Variants in CDC42BPA observed in about 807,000 individuals in gnomAD.
The protein encoded by CDC42BPA is serine/threonine-protein kinase MRCK alpha.
CDC42BPA carries 80 observed loss-of-function variants against 223.5 expected under a neutral mutation model. The ratio of observed to expected loss-of-function variants is 0.36; its 90% CI spans 0.30 to 0.43. The LOEUF is 0.43. Ranked by LOEUF, CDC42BPA falls within the 20% of genes least tolerant of loss-of-function variation. The pLI, the probability that CDC42BPA is intolerant of heterozygous loss-of-function variation, is 1.00. For missense variants in CDC42BPA, 1,743 were observed against 2,099.9 expected (o/e 0.83, Z 3.32); for synonymous variants, 694 against 718.6 (o/e 0.97, Z 0.55).
At chr1:227,262,856 C>T (rs1172033219) in intron 1 of CDC42BPA, among the ~76,000 whole-genome samples, 1 of 152,178 alleles carries the variant, frequency 6.6e-6, no homozygotes, top group Non-Finnish European at 1.5e-5. Flanking sequence ...AACACATTCC[C>T]ATTACTGCAA....
chr1:227,148,100 A>G (rs6685830), intron 6 of CDC42BPA, among the ~76,000 whole-genome samples: 108,899 of 152,044 alleles, frequency 0.72, 39,213 homozygotes, highest in South Asian at 0.86. Flanking sequence ...TTCAAAATCT[A>G]AAGTTCCAAT....
Position 227,299,637 on chromosome 1 carries a change from A to G in CDC42BPA, c.178+17368T>C, listed in dbSNP as rs938474625. On this transcript the variant is annotated intron_variant, in intron 1 of 36. Transcript: ENST00000366766. Reference sequence around the variant, plus strand: ...TAGAAACTAAAATGATTACAGATTTATTATGTAAATTTTTTATGGCTTTGC... The same window carrying G: ...TAGAAACTAAAATGATTACAGATTTGTTATGTAAATTTTTTATGGCTTTGC... Among the ~76,000 whole-genome samples, 11 of 152,270 alleles carry G rather than the reference A, an allele frequency of 7.2e-5. No individual in the cohort carries two copies. In the East Asian group the frequency reaches 2.1e-3, roughly 29 times the overall value.
chr1:227,107,755 T>C (rs1686191160), intron 14 of CDC42BPA, among the ~76,000 whole-genome samples: 1 of 152,176 alleles, frequency 6.6e-6, no homozygotes, highest in Non-Finnish European at 1.5e-5. Context: ...TGATTACTGA[T>C]TCAATGTCTT....
At chr1:227,226,815 A>G (rs1426527281) in intron 2 of CDC42BPA, among the ~76,000 whole-genome samples, 1 of 152,176 alleles carries the variant, frequency 6.6e-6, no homozygotes, top group Non-Finnish European at 1.5e-5. Flanking sequence ...ACCATAATAA[A>G]CTGGAAAGTA....
chr1:227,046,262 C>T (rs1055611993), intron 23 of CDC42BPA, among the ~76,000 whole-genome samples: 10 of 152,068 alleles, frequency 6.6e-5, no homozygotes, highest in African/African-American at 2.4e-4. Flanking sequence ...AAGGACCTAG[C>T]CATCTCATTA....
Position 227,069,797 on chromosome 1 carries a change from C to T in CDC42BPA, c.2884G>A (p.Asp962Asn), listed in dbSNP as rs373478290. The T allele has an allele frequency of 5.2e-5, 84 of 1,610,066 alleles. No individual in the cohort carries two copies. Among genetic ancestry groups the T allele is most frequent in the Non-Finnish European group, 6.4e-5 (75 of 1,177,012 alleles). Reference protein sequence around the residue: ...SFLAFLNTPTDALDQFETDPV... With the variant: ...SFLAFLNTPTNALDQFETDPV... ...CTTACTTCAAATTGATCCAGAGCAT[C>T]GGTAGGCGTATTCAAAAATGCCAAG... is the stretch of plus-strand genomic sequence containing the variant. Residue 962 changes from aspartate to asparagine, a missense_variant, in exon 21 of 37, where the codon GAT (aspartate) becomes AAT (asparagine). Physicochemically the swap from Asp to Asn is conservative, Grantham distance 23. This residue lies in a region of CDC42BPA where 678 missense variants were observed against 777.5 expected (regional missense o/e 0.87). Transcript: ENST00000366766.
At chr1:227,213,475 A>G (rs1674298191) in intron 2 of CDC42BPA, among the ~76,000 whole-genome samples, 1 of 152,156 alleles carries the variant, frequency 6.6e-6, no homozygotes, top group Non-Finnish European at 1.5e-5. Context: ...ATTTTTGAAC[A>G]CTGTATTAGT....
chr1:227,132,876 G>A (rs2090008), intron 10 of CDC42BPA, among the ~76,000 whole-genome samples: 41,454 of 148,886 alleles, frequency 0.28, 5,945 homozygotes, highest in African/African-American at 0.34. Flanking sequence ...TCTGAGAAGT[G>A]AGGAGACCCT....
intron 1 of CDC42BPA, among the ~76,000 whole-genome samples, chr1:227,309,242 T>C (rs1207721884): frequency 1.3e-5 from 2 of 151,776 alleles, no homozygotes; most frequent in African/African-American, 4.8e-5. Flanking sequence ...AAACTAATTT[T>C]ATTCCCCTAT....
chr1:227,231,901 T>C (rs551039617), intron 2 of CDC42BPA, among the ~76,000 whole-genome samples: 19 of 152,330 alleles, frequency 1.2e-4, no homozygotes, highest in African/African-American at 3.8e-4. Flanking sequence ...GTCAGATGAG[T>C]AGATTGCAAA....
intron 23 of CDC42BPA, among the ~76,000 whole-genome samples, chr1:227,040,900 T>TA (rs1347734950): frequency 3.9e-5 from 6 of 152,206 alleles, no homozygotes; most frequent in Non-Finnish European, 8.8e-5. Context: ...TTTTATCTCT[T>TA]TGGAATATTC....
At chr1:227,033,840 A>G (rs1473219001) in intron 26 of CDC42BPA, among the ~76,000 whole-genome samples, 1 of 151,920 alleles carries the variant, frequency 6.6e-6, no homozygotes, top group African/African-American at 2.4e-5. Flanking sequence ...TGATTCCCTT[A>G]ATTTTGTTGT....
intron 15 of CDC42BPA, 44 bp from the exon 16 acceptor site, chr1:227,092,035 T>A: frequency 9.1e-7 from 1 of 1,097,512 alleles, no homozygotes; most frequent in Non-Finnish European, 1.3e-6. Context: ...GAATTAAAGG[T>A]CATTTGAAAA....
At chr1:227,055,646 TTC>T (rs1491364320) in intron 21 of CDC42BPA, among the ~76,000 whole-genome samples, 70 of 152,264 alleles carry the variant, frequency 4.6e-4, no homozygotes, top group South Asian at 1.0e-3. Context: ...AGTTAAAATA[TTC>T]TTTTTGTCAT....
intron 1 of CDC42BPA, among the ~76,000 whole-genome samples, chr1:227,257,700 G>A (rs184150576): frequency 3.3e-5 from 5 of 150,828 alleles, no homozygotes; most frequent in Admixed American, 3.3e-4. Context: ...GTTGCAGTGA[G>A]CCAAGATTAT....
intron 10 of CDC42BPA, among the ~76,000 whole-genome samples, chr1:227,130,693 A>G (rs182418285): frequency 6.6e-6 from 1 of 152,208 alleles, no homozygotes; most frequent in Non-Finnish European, 1.5e-5. Context: ...CGTCTCTACT[A>G]AAAATACAAA....
At chr1:227,097,856 G>C (rs1394354007) in intron 15 of CDC42BPA, among the ~76,000 whole-genome samples, 1 of 152,194 alleles carries the variant, frequency 6.6e-6, no homozygotes, top group East Asian at 1.9e-4. Context: ...CCCAAGGGAA[G>C]AATCAGAGAA....
At chr1:227,076,251 T>C (rs1402054247) in intron 17 of CDC42BPA, among the ~76,000 whole-genome samples, 4 of 152,082 alleles carry the variant, frequency 2.6e-5, no homozygotes, top group African/African-American at 9.7e-5. Context: ...CACCACTATC[T>C]TTCTCTCTTA....
intron 22 of CDC42BPA, among the ~76,000 whole-genome samples, chr1:227,051,606 T>A (rs1673536024): frequency 6.6e-6 from 1 of 152,170 alleles, no homozygotes; most frequent in South Asian, 2.1e-4. Flanking sequence ...AATTCAAAAA[T>A]TTACATAATT....
Sources: allele counts gnomAD v4.1 joint callset (sites outside exome capture counted in the v4.1 genomes callset), GRCh38; gene constraint gnomAD v4.1.1; regional missense constraint gnomAD v4.1.1; transcripts MANE v1.5; gene names NCBI Gene and HGNC (gene_info 2026-07-23, HGNC 2026-07-21).